Variants in PDE1C observed in about 807,000 individuals in gnomAD.
PDE1C encodes the protein phosphodiesterase 1C, also known as dual specificity calcium/calmodulin-dependent 3',5'-cyclic nucleotide phosphodiesterase 1C.
A neutral mutation model predicts 93.1 loss-of-function variants in PDE1C; 62 were observed. The observed-to-expected ratio is 0.67, with a 90% CI of 0.54 to 0.82. PDE1C has a LOEUF of 0.82. PDE1C is among the 40% of genes least tolerant of loss of function. PDE1C has a pLI of 0.00. For missense variants in PDE1C, 742 were observed against 884.6 expected (o/e 0.84, Z 2.04); for synonymous variants, 325 against 310.1 (o/e 1.05, Z -0.50).
chr7:32,037,343 T>C (rs1791243936), intron 2 of PDE1C, among the ~76,000 whole-genome samples: 2 of 152,108 alleles, frequency 1.3e-5, no homozygotes, highest in Non-Finnish European at 2.9e-5. Flanking sequence ...TAGTTCACGA[T>C]AAGGTAATTA....
intron 1 of PDE1C, among the ~76,000 whole-genome samples, chr7:32,310,934 A>G (rs1272289166): frequency 6.6e-6 from 1 of 152,230 alleles, no homozygotes; most frequent in East Asian, 1.9e-4. Flanking sequence ...GAGACACAAA[A>G]AACCCTTCAA....
At chr7:32,391,939 G>A (rs1784758317) in intron 1 of PDE1C, among the ~76,000 whole-genome samples, 1 of 151,882 alleles carries the variant, frequency 6.6e-6, no homozygotes, top group Non-Finnish European at 1.5e-5. Context: ...ACTAGAAAGA[G>A]CAGGCAAAAC....
chr7:32,259,229 C>T (rs929811670), intron 1 of PDE1C, among the ~76,000 whole-genome samples: 1 of 152,142 alleles, frequency 6.6e-6, no homozygotes, highest in Non-Finnish European at 1.5e-5. Flanking sequence ...GAATGGAGAG[C>T]AAGAAAGAGC....
At chr7:31,980,640 T>G (rs1812261292) in intron 2 of PDE1C, among the ~76,000 whole-genome samples, 1 of 152,208 alleles carries the variant, frequency 6.6e-6, no homozygotes, top group Admixed American at 6.5e-5. Flanking sequence ...TACCACACCT[T>G]AGTGGCTTAA....
intron 16 of PDE1C, 24 bp downstream of exon 16, chr7:31,809,007 A>T (rs1300490485): frequency 7.4e-7 from 1 of 1,358,138 alleles, no homozygotes; most frequent in Non-Finnish European, 1.1e-6. Flanking sequence ...TTATGGAAAA[A>T]TGTAATGAGA....
intron 16 of PDE1C, chr7:31,784,918 A>G (rs1344625520): frequency 6.6e-6 from 1 of 152,098 alleles, no homozygotes; most frequent in African/African-American, 2.4e-5. Context: ...ATGTGACTGT[A>G]TTTCTGTACC....
chr7:32,214,501 T>C (rs1265849172), intron 1 of PDE1C, among the ~76,000 whole-genome samples: 1 of 152,162 alleles, frequency 6.6e-6, no homozygotes, highest in East Asian at 1.9e-4. Context: ...CATCAGTGTT[T>C]TTTAAGCCCC....
chr7:32,206,811 A>C (rs141794830), intron 2 of PDE1C, among the ~76,000 whole-genome samples: 7 of 152,268 alleles, frequency 4.6e-5, no homozygotes, highest in Non-Finnish European at 8.8e-5. Flanking sequence ...CCATTCTCAA[A>C]CCATCTGCTG....
intron 2 of PDE1C, among the ~76,000 whole-genome samples, chr7:31,930,797 C>T (rs1480467516): frequency 7.5e-5 from 10 of 133,980 alleles, no homozygotes; most frequent in African/African-American, 2.3e-4. Context: ...TGTAGTGAGC[C>T]GAGATCATGC....
intron 2 of PDE1C, among the ~76,000 whole-genome samples, chr7:31,935,464 C>T (rs1804912770): frequency 6.6e-6 from 1 of 152,104 alleles, no homozygotes; most frequent in Non-Finnish European, 1.5e-5. Flanking sequence ...AGTTCATACA[C>T]CTGAAAGGAA....
At chr7:32,344,315 A>T (rs1368590866) in intron 1 of PDE1C, among the ~76,000 whole-genome samples, 2 of 152,140 alleles carry the variant, frequency 1.3e-5, no homozygotes, top group African/African-American at 2.4e-5. Context: ...GCCTCAAGGG[A>T]TCCTTCTGCC....
chr7:31,939,524 TAAG>T (rs759239324), intron 2 of PDE1C, among the ~76,000 whole-genome samples: 1 of 152,050 alleles, frequency 6.6e-6, no homozygotes, highest in African/African-American at 2.4e-5. Flanking sequence ...ATGAGACAAA[TAAG>T]AAGTTAATCT....
intron 1 of PDE1C, among the ~76,000 whole-genome samples, chr7:32,414,842 A>AAAT (rs368691197): frequency 0.02 from 3,016 of 151,680 alleles, 94 homozygotes; most frequent in African/African-American, 0.07. Context: ...AAAAAAAAAA[A>AAAT]GCCTGTAAAA....
intron 3 of PDE1C, among the ~76,000 whole-genome samples, chr7:32,087,187 G>A (rs7806212): frequency 0.62 from 88,803 of 144,100 alleles, 27,952 homozygotes; most frequent in African/African-American, 0.71. Context: ...AAAAGTGGGC[G>A]AAGGATATGA....
At chr7:31,792,358 T>C (rs905145700) in intron 16 of PDE1C, among the ~76,000 whole-genome samples, 2 of 152,162 alleles carry the variant, frequency 1.3e-5, no homozygotes, top group Middle Eastern at 3.4e-3. Flanking sequence ...ATATTTTTAA[T>C]GAAAAAGAAG....
intron 3 of PDE1C, 30 bp from the exon 4 acceptor site, chr7:31,879,208 G>A (rs1282549562): frequency 1.9e-6 from 3 of 1,592,942 alleles, no homozygotes; most frequent in Non-Finnish European, 2.6e-6. Context: ...TCAGCACACT[G>A]AGATTAAATC....
chr7:31,719,914 T>A, the PDE1C span, among the ~76,000 whole-genome samples: 1,069 of 152,122 alleles, frequency 7.0e-3, 13 homozygotes, highest in African/African-American at 0.024. Flanking sequence ...CTTAGAAGTC[T>A]AATGTGGGGA....
chr7:32,194,669 T>C (rs1562566982), intron 2 of PDE1C, among the ~76,000 whole-genome samples: 1 of 152,244 alleles, frequency 6.6e-6, no homozygotes, highest in Non-Finnish European at 1.5e-5. Flanking sequence ...TACAGTCATA[T>C]TTGAAGTGAG....
intron 2 of PDE1C, among the ~76,000 whole-genome samples, chr7:32,037,758 C>A (rs1473845696): frequency 6.6e-6 from 1 of 152,134 alleles, no homozygotes; most frequent in Admixed American, 6.6e-5. Context: ...TCCTTGAGGG[C>A]AGAAACCACA....
Sources: allele counts gnomAD v4.1 joint callset (sites outside exome capture counted in the v4.1 genomes callset), GRCh38; gene constraint gnomAD v4.1.1; transcripts MANE v1.5; gene names NCBI Gene and HGNC (gene_info 2026-07-23, HGNC 2026-07-21).